Variants in SPOCK1 observed in about 807,000 individuals in gnomAD.
SPOCK1 encodes SPARC (osteonectin), cwcv and kazal like domains proteoglycan 1, also known as testican-1.
In SPOCK1, 23 loss-of-function variants were observed where a neutral mutation model predicts 55.3. The observed-to-expected ratio is 0.42, with a 90% CI of 0.30 to 0.59. SPOCK1 has a LOEUF of 0.59. Ranked by LOEUF, SPOCK1 falls within the 20% of genes least tolerant of loss-of-function variation. The pLI, the probability that SPOCK1 is intolerant of heterozygous loss-of-function variation, is 0.22. For synonymous variants in SPOCK1, 226 were observed against 221.0 expected (o/e 1.02, Z -0.20); for missense variants, 499 against 552.5 (o/e 0.90, Z 0.97).
chr5:137,018,656 C>A (rs993949949), intron 6 of SPOCK1, among the ~76,000 whole-genome samples: 4 of 152,138 alleles, frequency 2.6e-5, no homozygotes, highest in Admixed American at 6.5e-5. Flanking sequence ...TTCTTAGAGG[C>A]GTATTTTATT....
At chr5:137,006,553 C>A (rs1191273254) in intron 6 of SPOCK1, among the ~76,000 whole-genome samples, 1 of 152,122 alleles carries the variant, frequency 6.6e-6, no homozygotes, top group Non-Finnish European at 1.5e-5. Context: ...ATTTTGTATC[C>A]TGAGACTTTG....
At chr5:137,337,917 C>T (rs1750319532) in intron 2 of SPOCK1, among the ~76,000 whole-genome samples, 1 of 152,200 alleles carries the variant, frequency 6.6e-6, no homozygotes, top group Non-Finnish European at 1.5e-5. Context: ...GAGTTCTCAT[C>T]GTGGCCTCTC....
At chr5:137,267,732 T>A (rs182855425) in intron 2 of SPOCK1, among the ~76,000 whole-genome samples, 2 of 152,310 alleles carry the variant, frequency 1.3e-5, no homozygotes, top group Admixed American at 1.3e-4. Flanking sequence ...ATCACTCAAT[T>A]CTTCACAGCT....
chr5:137,307,122 A>T (rs1389546728), intron 2 of SPOCK1, among the ~76,000 whole-genome samples: 1 of 152,256 alleles, frequency 6.6e-6, no homozygotes, highest in Non-Finnish European at 1.5e-5. Flanking sequence ...TTTATATGGT[A>T]GTGTACATAT....
chr5:137,139,952 T>C (rs1258439874), intron 4 of SPOCK1, among the ~76,000 whole-genome samples: 2 of 152,162 alleles, frequency 1.3e-5, no homozygotes, highest in Non-Finnish European at 2.9e-5. Context: ...GGGAGTGGAA[T>C]TAGGGGTAAA....
chr5:137,087,626 C>T (rs58077295), intron 5 of SPOCK1, among the ~76,000 whole-genome samples: 25,488 of 152,200 alleles, frequency 0.17, 2,167 homozygotes, highest in Admixed American at 0.21. Context: ...GTGAAGCAGC[C>T]GCTGGCAGCA....
intron 6 of SPOCK1, among the ~76,000 whole-genome samples, chr5:137,028,389 A>G (rs1366575551): frequency 6.6e-6 from 1 of 152,202 alleles, no homozygotes; most frequent in Admixed American, 6.5e-5. Flanking sequence ...TCACTGGAAA[A>G]AGGTATTATC....
At chr5:137,240,411 T>G (rs1756259687) in intron 3 of SPOCK1, among the ~76,000 whole-genome samples, 1 of 152,054 alleles carries the variant, frequency 6.6e-6, no homozygotes, top group African/African-American at 2.4e-5. Flanking sequence ...TGGGAGGAGA[T>G]GCCACATATT....
At chr5:137,091,708 G>A (rs1753057736) in intron 5 of SPOCK1, among the ~76,000 whole-genome samples, 2 of 152,126 alleles carry the variant, frequency 1.3e-5, no homozygotes, top group South Asian at 4.1e-4. Context: ...CTCCAGGCAG[G>A]GGAGCTTGAA....
chr5:137,109,388 G>A (rs1753424887), intron 5 of SPOCK1, among the ~76,000 whole-genome samples: 1 of 152,140 alleles, frequency 6.6e-6, no homozygotes, highest in African/African-American at 2.4e-5. Flanking sequence ...TCAAATCCAA[G>A]TTGAGTTATG....
chr5:137,169,411 T>C (rs1363030614), intron 3 of SPOCK1, among the ~76,000 whole-genome samples: 1 of 152,212 alleles, frequency 6.6e-6, no homozygotes, highest in Admixed American at 6.5e-5. Context: ...TATTACACAT[T>C]GCATGCCTGT....
intron 3 of SPOCK1, among the ~76,000 whole-genome samples, chr5:137,155,375 G>C (rs1278594136): frequency 6.6e-6 from 1 of 152,068 alleles, no homozygotes; most frequent in Non-Finnish European, 1.5e-5. Flanking sequence ...CTTCTCAATG[G>C]GCCTGTACTC....
intron 2 of SPOCK1, among the ~76,000 whole-genome samples, chr5:137,286,041 C>T (rs1279307318): frequency 6.6e-6 from 1 of 152,186 alleles, no homozygotes; most frequent in Non-Finnish European, 1.5e-5. Flanking sequence ...TTTGTCCATC[C>T]TGCTCTAAAC....
At chr5:137,076,025 C>T (rs1478220322) in intron 5 of SPOCK1, among the ~76,000 whole-genome samples, 2 of 152,238 alleles carry the variant, frequency 1.3e-5, no homozygotes, top group African/African-American at 2.4e-5. Context: ...CTGTCATCCT[C>T]TCTAGGAGAT....
chr5:137,452,178 T>C (rs1369129255), intron 2 of SPOCK1, among the ~76,000 whole-genome samples: 1 of 152,242 alleles, frequency 6.6e-6, no homozygotes. Context: ...ACCTTGAAAG[T>C]ATGTTTTGTA....
intron 2 of SPOCK1, among the ~76,000 whole-genome samples, chr5:137,326,185 G>A (rs972574878): frequency 2.0e-5 from 3 of 151,688 alleles, no homozygotes; most frequent in Admixed American, 6.6e-5. Context: ...AGTACTCCCC[G>A]TACCATACAC....
At chr5:137,038,936 TTC>T (rs1751936187) in intron 6 of SPOCK1, among the ~76,000 whole-genome samples, 1 of 152,174 alleles carries the variant, frequency 6.6e-6, no homozygotes, top group Non-Finnish European at 1.5e-5. Context: ...ACAAAAACGG[TTC>T]TCTGACTTTT....
intron 2 of SPOCK1, among the ~76,000 whole-genome samples, chr5:137,394,425 T>G (rs1751797665): frequency 6.6e-6 from 1 of 152,186 alleles, no homozygotes; most frequent in Non-Finnish European, 1.5e-5. Context: ...TGAGGCACAG[T>G]GAGTTGCTTA....
chr5:137,282,476 G>A lies in SPOCK1; in HGVS notation c.187-15421C>T, dbSNP rs139119476. Among the ~76,000 whole-genome samples, 221 of 152,328 alleles carry A rather than the reference G, an allele frequency of 1.5e-3. 1 individual carries two copies. Among genetic ancestry groups the A allele is most frequent in the African/African-American group, 5.1e-3 (214 of 41,580 alleles). ...GCAGTCCATCCAGCTGTCTGCAGGC[G>A]TCCTGCCTAGGAACGTCTACATCAA... On this transcript the variant is annotated intron_variant, in intron 2 of 10. Coordinates refer to ENST00000394945, the MANE Select transcript of SPOCK1 (RefSeq NM_004598.4).
Sources: allele counts gnomAD v4.1 joint callset (sites outside exome capture counted in the v4.1 genomes callset), GRCh38; gene constraint gnomAD v4.1.1; transcripts MANE v1.5; gene names NCBI Gene and HGNC (gene_info 2026-07-23, HGNC 2026-07-21).